Variants in STARD3NL observed in about 807,000 individuals in gnomAD.
STARD3NL encodes the protein STARD3 N-terminal-like protein.
A neutral mutation model predicts 30.9 loss-of-function variants in STARD3NL; 17 were observed. The ratio of observed to expected loss-of-function variants is 0.55; its 90% CI spans 0.38 to 0.82. The LOEUF (loss-of-function observed/expected upper bound fraction) is 0.82, where lower values mean the gene tolerates loss of function less well. Among genes scored for constraint, STARD3NL ranks in the 40% least tolerant of loss-of-function variants. STARD3NL has a pLI of 0.00. For synonymous variants in STARD3NL, 112 were observed against 100.5 expected (o/e 1.11, Z -0.69); for missense variants, 234 against 277.6 (o/e 0.84, Z 1.12).
intron 2 of STARD3NL, among the ~76,000 whole-genome samples, chr7:38,210,682 C>G (rs927249461): frequency 1.3e-5 from 2 of 152,166 alleles, no homozygotes; most frequent in Admixed American, 1.3e-4. Context: ...TCTTTTCCCT[C>G]TGCAGACTCT....
At chr7:38,191,910 T>TAAAAAA (rs11398652) in intron 1 of STARD3NL, among the ~76,000 whole-genome samples, 1 of 149,092 alleles carries the variant, frequency 6.7e-6, no homozygotes, top group Non-Finnish European at 1.5e-5. Context: ...CAGTTTCTAT[T>TAAAAAA]AAAAAAAAAA....
At chr7:38,226,629 GC>G (rs1786784680) in intron 7 of STARD3NL, among the ~76,000 whole-genome samples, 1 of 152,208 alleles carries the variant, frequency 6.6e-6, no homozygotes. Flanking sequence ...AGGCTAATTG[GC>G]TGGCTTGGGC....
chr7:38,189,291 T>C (rs1014279255), intron 1 of STARD3NL, among the ~76,000 whole-genome samples: 1 of 152,070 alleles, frequency 6.6e-6, no homozygotes, highest in African/African-American at 2.4e-5. Flanking sequence ...GTGGAAATAA[T>C]ATATAAAGAT....
At chr7:38,196,562 CT>C (rs1414848522) in intron 1 of STARD3NL, among the ~76,000 whole-genome samples, 2 of 151,974 alleles carry the variant, frequency 1.3e-5, no homozygotes, top group Non-Finnish European at 2.9e-5. Flanking sequence ...TTCTCTGTTT[CT>C]TTTTTTAAAA....
chr7:38,191,996 A>T (rs1307263590), intron 1 of STARD3NL, among the ~76,000 whole-genome samples: 1 of 152,108 alleles, frequency 6.6e-6, no homozygotes, highest in East Asian at 1.9e-4. Flanking sequence ...TAACAATATG[A>T]ATTCTTCCAA....
chr7:38,217,027 G>A lies in STARD3NL; in HGVS notation c.384G>A (p.Leu128=), dbSNP rs753941822. ...CRLRHWWAIA[L]TTAVTSAFLL... Reference sequence around the variant, plus strand: ...GTGCTGGATTATGTGTCTTGCAGTTGACAACGGCAGTGACCAGTGCCTTTT... The same window carrying A: ...GTGCTGGATTATGTGTCTTGCAGTTAACAACGGCAGTGACCAGTGCCTTTT... The change falls in exon 5 of 9, where the codon TTG becomes TTA. Residue 128 remains leucine, a splice_region_variant and synonymous_variant. Transcript: ENST00000009041. The A allele has an allele frequency of 6.2e-7, 1 of 1,614,084 alleles. No homozygotes were observed. The highest frequency in any genetic ancestry group is 1.3e-5 in the African/African-American group (1 of 75,042).
intron 7 of STARD3NL, among the ~76,000 whole-genome samples, chr7:38,222,141 T>TCACACACACACACACACACACA (rs3223376): frequency 2.8e-5 from 4 of 144,196 alleles, no homozygotes; most frequent in African/African-American, 7.7e-5. Flanking sequence ...GTTAATATTT[T>TCACACACACACACACACACACA]CACACACACA....
chr7:38,179,894 T>C (rs1342190464), intron 1 of STARD3NL, among the ~76,000 whole-genome samples: 1 of 152,146 alleles, frequency 6.6e-6, no homozygotes, highest in African/African-American at 2.4e-5. Flanking sequence ...TAGGCAGATA[T>C]AAACAGTGTA....
chr7:38,198,813 G>A (rs1316329162), intron 1 of STARD3NL, among the ~76,000 whole-genome samples: 1 of 152,224 alleles, frequency 6.6e-6, no homozygotes, highest in Non-Finnish European at 1.5e-5. Context: ...CATCTGGGTA[G>A]TGTCACTTCT....
At chr7:38,225,731 C>A (rs1218815070) in intron 7 of STARD3NL, among the ~76,000 whole-genome samples, 2 of 150,008 alleles carry the variant, frequency 1.3e-5, no homozygotes, top group Non-Finnish European at 3.0e-5. Flanking sequence ...CTTTTTTTTT[C>A]TTTTCTTATA....
intron 7 of STARD3NL, among the ~76,000 whole-genome samples, chr7:38,220,181 T>C (rs946874680): frequency 6.6e-6 from 1 of 152,226 alleles, no homozygotes; most frequent in Non-Finnish European, 1.5e-5. Flanking sequence ...AGCATTACTT[T>C]CTGCAGTTTC....
chr7:38,203,145 A>G lies in STARD3NL; in HGVS notation c.-58-4302A>G, dbSNP rs551536695. On this transcript the variant is annotated intron_variant, in intron 1 of 8. Transcript: ENST00000009041. ...GAAATACAGAGAATGCCACAAAGAT[A>G]CTCCTCGAGAAGAGCAATTCCAAGA... Among the ~76,000 whole-genome samples, 44 of 152,202 alleles carry G rather than the reference A, an allele frequency of 2.9e-4. 1 individual carries two copies. Among genetic ancestry groups the G allele is most frequent in the Admixed American group, 1.8e-3 (28 of 15,278 alleles).
chr7:38,201,009 A>G (rs140243678), intron 1 of STARD3NL, among the ~76,000 whole-genome samples: 64 of 152,332 alleles, frequency 4.2e-4, no homozygotes, highest in African/African-American at 1.5e-3. Context: ...CACTCAAAAA[A>G]TTAATTCTAG....
chr7:38,215,414 C>T (rs984702074), intron 4 of STARD3NL: 4 of 372,040 alleles, frequency 1.1e-5, no homozygotes, highest in Non-Finnish European at 1.9e-5. Context: ...GAGGAGACCT[C>T]TGTCACAGAG....
chr7:38,182,433 TA>T (rs552836543), intron 1 of STARD3NL, among the ~76,000 whole-genome samples: 39 of 152,150 alleles, frequency 2.6e-4, no homozygotes, highest in Non-Finnish European at 4.9e-4. Context: ...TTTAATATTA[TA>T]GATGAGAAAA....
intron 2 of STARD3NL, among the ~76,000 whole-genome samples, chr7:38,210,178 A>T (rs191909960): frequency 6.6e-6 from 1 of 152,298 alleles, no homozygotes; most frequent in Non-Finnish European, 1.5e-5. Context: ...CATTTACCAA[A>T]TGCCAGAGAA....
chr7:38,191,247 T>C (rs903025495), intron 1 of STARD3NL, among the ~76,000 whole-genome samples: 13 of 152,222 alleles, frequency 8.5e-5, no homozygotes, highest in Non-Finnish European at 5.9e-5. Context: ...TTTTTCTGTA[T>C]AGAAGAACTC....
intron 1 of STARD3NL, among the ~76,000 whole-genome samples, chr7:38,181,021 G>T (rs1784223840): frequency 6.6e-6 from 1 of 152,100 alleles, no homozygotes; most frequent in African/African-American, 2.4e-5. Context: ...CCATAAACTT[G>T]TAAAAGTTAA....
At chr7:38,192,805 C>CACA (rs1490231774) in intron 1 of STARD3NL, among the ~76,000 whole-genome samples, 1 of 152,214 alleles carries the variant, frequency 6.6e-6, no homozygotes, top group African/African-American at 2.4e-5. Context: ...CTGGCATCCA[C>CACA]TGATAAATAT....
Sources: gnomAD v4.1 joint callset for allele counts (sites outside exome capture counted in the v4.1 genomes callset) on GRCh38, gnomAD v4.1.1 for gene constraint, MANE v1.5 for transcripts, NCBI Gene and HGNC (gene_info 2026-07-23, HGNC 2026-07-21) for gene names.